Variants in GLRA3 observed in about 807,000 individuals in gnomAD.
GLRA3 encodes glycine receptor subunit alpha-3.
In GLRA3, 44 loss-of-function variants were observed where a neutral mutation model predicts 60.4. The ratio of observed to expected loss-of-function variants is 0.73; its 90% CI spans 0.57 to 0.94. The LOEUF (loss-of-function observed/expected upper bound fraction) is 0.94. GLRA3 is among the 40% of genes least tolerant of loss of function. GLRA3 has a pLI of 0.00. For synonymous variants in GLRA3, 223 were observed against 192.9 expected (o/e 1.16, Z -1.29); for missense variants, 508 against 564.6 (o/e 0.90, Z 1.02).
rs28468431 is a variant in GLRA3, at chr4:174,796,225, C to T, written c.72-7282G>A. Among the ~76,000 whole-genome samples, 1,199 of 152,162 alleles carry T rather than the reference C, an allele frequency of 7.9e-3. 15 individuals carry two copies. Among genetic ancestry groups the T allele is most frequent in the African/African-American group, 0.027 (1,127 of 41,512 alleles). On this transcript the variant is annotated intron_variant, in intron 1 of 9. Transcript: ENST00000274093. ...GAGGTTACAGTGAAAAGAGAGTGGT[C>T]AATGTACCAGGAAGCAGGCCCAAAA...
At chr4:174,684,459 CT>C in intron 5 of GLRA3, among the ~76,000 whole-genome samples, 2 of 152,252 alleles carry the variant, frequency 1.3e-5, no homozygotes, top group Admixed American at 1.3e-4. Flanking sequence ...GGTCAGCAGC[CT>C]TTAGTAAACT....
intron 7 of GLRA3, among the ~76,000 whole-genome samples, chr4:174,667,057 GGTGTT>G (rs890648814): frequency 9.2e-5 from 14 of 152,002 alleles, no homozygotes; most frequent in Non-Finnish European, 1.8e-4. Flanking sequence ...ACCCTGAAAT[GGTGTT>G]GTCATTGCTA....
chr4:174,651,827 T>C (rs1733030107), intron 9 of GLRA3, among the ~76,000 whole-genome samples: 1 of 152,146 alleles, frequency 6.6e-6, no homozygotes, highest in African/African-American at 2.4e-5. Context: ...ATGTGTTCCA[T>C]GAAAGAGTGC....
At chr4:174,684,734 G>A (rs1734489397) in intron 5 of GLRA3, among the ~76,000 whole-genome samples, 4 of 152,332 alleles carry the variant, frequency 2.6e-5, no homozygotes, top group East Asian at 1.9e-4. Flanking sequence ...GCGCTTGGGC[G>A]CAGTGTCTCA....
At chr4:174,736,739 T>G (rs1464668078) in intron 3 of GLRA3, among the ~76,000 whole-genome samples, 9 of 152,164 alleles carry the variant, frequency 5.9e-5, no homozygotes, top group Admixed American at 5.9e-4. Context: ...AGATATATTT[T>G]TGGAAGTGAG....
intron 1 of GLRA3, among the ~76,000 whole-genome samples, chr4:174,808,320 A>T (rs191579502): frequency 4.1e-4 from 63 of 152,222 alleles, no homozygotes; most frequent in East Asian, 1.2e-3. Context: ...ATTATAATGA[A>T]GCTGAAAAAT....
At chr4:174,715,761 G>A (rs533151701) in intron 4 of GLRA3, among the ~76,000 whole-genome samples, 191 bp from the exon 5 acceptor site, 1 of 152,242 alleles carries the variant, frequency 6.6e-6, no homozygotes, top group Admixed American at 6.5e-5. Context: ...TGGGCTGGGG[G>A]TTGGATAATT....
chr4:174,805,753 A>C (rs1202646753), intron 1 of GLRA3, among the ~76,000 whole-genome samples: 2 of 152,204 alleles, frequency 1.3e-5, no homozygotes, highest in Non-Finnish European at 2.9e-5. Flanking sequence ...ACAGGTTGAT[A>C]TAGAACTCAG....
In GLRA3 at chr4:174,766,529, T is replaced by G. The variant is rs1386488582; in HGVS notation, c.267+434A>C. ...ATACAGTTGATAAAATCTATAAGTA[T>G]AATGTTTTGGCAAATACCATATTCA... On this transcript the variant is annotated intron_variant, in intron 3 of 9. Coordinates refer to ENST00000274093, the MANE Select transcript of GLRA3 (RefSeq NM_006529.4). 2.0e-5 allele frequency among the ~76,000 whole-genome samples: 3 copies of G among 152,128 alleles called. No homozygotes were observed. In the East Asian group the frequency reaches 5.8e-4, roughly 29 times the overall value.
chr4:174,788,915 C>T lies in GLRA3; in HGVS notation c.100G>A (p.Ala34Thr). ...SLVATKETDS[A>T]RSRSAPMSPS... ...GACATTGGAGCACTTCGAGATCTTG[C>T]ACTGTCTGTTTCCTTTGTGGCAACC... is the stretch of plus-strand genomic sequence containing the variant. Residue 34 changes from alanine (A) to threonine (T), a missense_variant, in exon 2 of 10, where the codon GCA becomes ACA. Ala to Thr is a moderately conservative substitution (Grantham distance 58, BLOSUM62 0). This residue lies in a region of GLRA3 where 329 missense variants were observed against 349.3 expected (regional missense o/e 0.94). Transcript: ENST00000274093. 1 of 1,604,366 alleles carries T rather than the reference C, an allele frequency of 6.2e-7. No individual in the cohort carries two copies. The highest frequency in any genetic ancestry group is 8.5e-7 in the Non-Finnish European group (1 of 1,174,346).
In GLRA3 at chr4:174,761,023, A is replaced by G. The variant is rs1335689733; in HGVS notation, c.267+5940T>C. ...TTATATTTTCATACATACAGAATGAACATTTATATCTTAATATCAAACTCA... is the reference window on the plus strand; with the variant it reads ...TTATATTTTCATACATACAGAATGAGCATTTATATCTTAATATCAAACTCA... On this transcript the variant is annotated intron_variant, in intron 3 of 9. Coordinates refer to ENST00000274093, the MANE Select transcript of GLRA3 (RefSeq NM_006529.4). Among the ~76,000 whole-genome samples the G allele has an allele frequency of 3.3e-5, 5 of 152,164 alleles. No individual in the cohort carries two copies. In the East Asian group the frequency reaches 9.6e-4, roughly 29 times the overall value.
intron 1 of GLRA3, among the ~76,000 whole-genome samples, chr4:174,806,256 A>G (rs80221217): frequency 0.017 from 2,595 of 152,260 alleles, 34 homozygotes; most frequent in Non-Finnish European, 0.028. Flanking sequence ...AGACTTTCAA[A>G]AAAACAAGGT....
chr4:174,773,797 T>C (rs1306125198), intron 2 of GLRA3, among the ~76,000 whole-genome samples: 3 of 152,182 alleles, frequency 2.0e-5, no homozygotes, highest in Admixed American at 2.0e-4. Context: ...TTCCCTTCTC[T>C]TCCCTTCCCC....
intron 1 of GLRA3, among the ~76,000 whole-genome samples, chr4:174,816,535 C>A (rs75371944): frequency 0.014 from 2,162 of 152,070 alleles, 46 homozygotes; most frequent in African/African-American, 0.049. Flanking sequence ...TATTTTTGTC[C>A]TGGCACTATA....
chr4:174,698,482 C>T (rs1182539213), intron 5 of GLRA3, among the ~76,000 whole-genome samples: 1 of 152,168 alleles, frequency 6.6e-6, no homozygotes. Context: ...AGCCACCATG[C>T]TGTGCCTGAT....
At chr4:174,802,501 GT>G (rs926271346) in intron 1 of GLRA3, among the ~76,000 whole-genome samples, 1 of 151,820 alleles carries the variant, frequency 6.6e-6, no homozygotes. Flanking sequence ...CCTAATTCTT[GT>G]TTTTTTGTGC....
chr4:174,768,605 G>T (rs28698873), intron 2 of GLRA3, among the ~76,000 whole-genome samples: 113,581 of 152,026 alleles, frequency 0.75, 42,797 homozygotes, highest in East Asian at 1. Context: ...TTGGTAAATT[G>T]TTGTAAGTTT....
At chr4:174,800,806 T>C (rs1739780215) in intron 1 of GLRA3, among the ~76,000 whole-genome samples, 1 of 152,106 alleles carries the variant, frequency 6.6e-6, no homozygotes, top group Non-Finnish European at 1.5e-5. Flanking sequence ...CTTATGATGA[T>C]TCAACTTACT....
chr4:174,668,569 G>A (rs1347274541), intron 7 of GLRA3, among the ~76,000 whole-genome samples: 1 of 152,134 alleles, frequency 6.6e-6, no homozygotes, highest in Non-Finnish European at 1.5e-5. Context: ...AATGGGCAAA[G>A]ATATATTTGA....
Sources: gnomAD v4.1 joint callset for allele counts (sites outside exome capture counted in the v4.1 genomes callset) on GRCh38, gnomAD v4.1.1 for gene constraint, gnomAD v4.1.1 regional missense constraint, MANE v1.5 for transcripts, NCBI Gene and HGNC (gene_info 2026-07-23, HGNC 2026-07-21) for gene names.